The following EXOC4 variants were observed in gnomAD, a reference collection of about 807,000 sequenced individuals.
EXOC4 encodes the protein SEC8-like 1.
EXOC4 carries 71 observed loss-of-function variants against 107.2 expected under a neutral mutation model. The ratio of observed to expected loss-of-function variants is 0.66; its 90% CI spans 0.55 to 0.81. The LOEUF (loss-of-function observed/expected upper bound fraction) is 0.81, where lower values mean the gene tolerates loss of function less well. EXOC4 is among the 30% of genes least tolerant of loss of function. The pLI, the probability that EXOC4 is intolerant of heterozygous loss-of-function variation, is 0.00. For missense variants in EXOC4, 1,108 were observed against 1,189.6 expected (o/e 0.93, Z 1.01); for synonymous variants, 456 against 441.2 (o/e 1.03, Z -0.42).
At chr7:133,258,837 T>C (rs1795076177) in intron 1 of EXOC4, among the ~76,000 whole-genome samples, 2 of 152,202 alleles carry the variant, frequency 1.3e-5, no homozygotes, top group African/African-American at 4.8e-5. Context: ...AGAAGCTAGA[T>C]TTAAATGCAT....
intron 14 of EXOC4, among the ~76,000 whole-genome samples, chr7:133,986,543 G>C: frequency 6.6e-6 from 1 of 152,226 alleles, no homozygotes; most frequent in East Asian, 1.9e-4. Flanking sequence ...CTTAGTTCAA[G>C]AAGAAAGGAC....
At chr7:133,255,368 G>A (rs1038705048) in intron 1 of EXOC4, among the ~76,000 whole-genome samples, 1 of 151,982 alleles carries the variant, frequency 6.6e-6, no homozygotes, top group Non-Finnish European at 1.5e-5. Context: ...GTAGATACAG[G>A]GTTTCACCAT....
At chr7:133,277,886 T>G (rs1425455533) in intron 2 of EXOC4, among the ~76,000 whole-genome samples, 1 of 152,236 alleles carries the variant, frequency 6.6e-6, no homozygotes. Context: ...TTTTGGCTTT[T>G]AATTACACTT....
intron 17 of EXOC4, among the ~76,000 whole-genome samples, chr7:134,026,782 C>T (rs1357958667): frequency 6.6e-6 from 1 of 151,728 alleles, no homozygotes; most frequent in Non-Finnish European, 1.5e-5. Flanking sequence ...TTGAACTGTA[C>T]TTTGAAAAAG....
chr7:133,994,726 A>C (rs1563084432), intron 14 of EXOC4, among the ~76,000 whole-genome samples: 1 of 150,850 alleles, frequency 6.6e-6, no homozygotes, highest in Non-Finnish European at 1.5e-5. Flanking sequence ...AATATACAAC[A>C]ATGTAGCCTT....
intron 9 of EXOC4, among the ~76,000 whole-genome samples, chr7:133,507,669 A>G (rs1799691081): frequency 6.6e-6 from 1 of 152,254 alleles, no homozygotes; most frequent in Non-Finnish European, 1.5e-5. Flanking sequence ...CCATAGCTGA[A>G]CATGACTGGA....
chr7:133,606,843 G>A (rs191811611), intron 9 of EXOC4, among the ~76,000 whole-genome samples: 5 of 151,988 alleles, frequency 3.3e-5, no homozygotes, highest in Non-Finnish European at 5.9e-5. Context: ...ATGGTGGCTC[G>A]TCTCCAGCAC....
chr7:133,794,585 A>G (rs1796774533), intron 10 of EXOC4, among the ~76,000 whole-genome samples: 1 of 152,058 alleles, frequency 6.6e-6, no homozygotes, highest in South Asian at 2.1e-4. Flanking sequence ...AAGAGGCACT[A>G]CCCTCAGTTC....
intron 9 of EXOC4, among the ~76,000 whole-genome samples, chr7:133,577,171 A>T (rs1312314639): frequency 6.6e-6 from 1 of 152,222 alleles, no homozygotes; most frequent in Non-Finnish European, 1.5e-5. Context: ...TGTAGATTAG[A>T]AAAGTAAAAT....
intron 12 of EXOC4, among the ~76,000 whole-genome samples, chr7:133,909,583 C>T (rs1169669634): frequency 2.0e-5 from 3 of 152,084 alleles, no homozygotes; most frequent in African/African-American, 7.2e-5. Flanking sequence ...GTAGAGGGGT[C>T]GGATCATTTG....
At chr7:133,441,128 C>T (rs1039144545) in intron 7 of EXOC4, among the ~76,000 whole-genome samples, 1 of 152,120 alleles carries the variant, frequency 6.6e-6, no homozygotes, top group African/African-American at 2.4e-5. Flanking sequence ...ATGATACAGA[C>T]TGTAAGTACC....
chr7:133,793,855 T>A (rs886128573), intron 10 of EXOC4, among the ~76,000 whole-genome samples: 4 of 4,366 alleles, frequency 9.2e-4, no homozygotes, highest in South Asian at 0.083. Context: ...ACACAAAAAA[T>A]AAATAAAAAT....
At chr7:133,682,346 G>A (rs1167326668) in intron 10 of EXOC4, among the ~76,000 whole-genome samples, 1 of 152,126 alleles carries the variant, frequency 6.6e-6, no homozygotes, top group Non-Finnish European at 1.5e-5. Flanking sequence ...AATTTGAAAA[G>A]TATATGTTAT....
chr7:134,002,329 A>C (rs1050686245), intron 15 of EXOC4, among the ~76,000 whole-genome samples: 2 of 152,188 alleles, frequency 1.3e-5, no homozygotes, highest in African/African-American at 4.8e-5. Context: ...TTAGCTTAAA[A>C]TGGATCATTC....
intron 10 of EXOC4, among the ~76,000 whole-genome samples, chr7:133,650,937 G>GTTTTTTTTTTTTTTTTTTT (rs200499348): frequency 1.1e-5 from 1 of 88,694 alleles, no homozygotes; most frequent in Non-Finnish European, 2.2e-5. Flanking sequence ...AGATTGGTCA[G>GTTTTTTTTTTTTTTTTTTT]TTTTTTTTTT....
intron 7 of EXOC4, among the ~76,000 whole-genome samples, chr7:133,376,265 C>G (rs1224630898): frequency 6.6e-6 from 1 of 151,738 alleles, no homozygotes; most frequent in Non-Finnish European, 1.5e-5. Flanking sequence ...ATTGCCATGC[C>G]TGTAGTACAT....
At chr7:133,968,671 CA>C (rs1283407892) in intron 14 of EXOC4, among the ~76,000 whole-genome samples, 12 of 152,130 alleles carry the variant, frequency 7.9e-5, no homozygotes, top group East Asian at 1.9e-4. Flanking sequence ...TATTGGCCCC[CA>C]CTCTCTTCTG....
chr7:134,056,934 A>T (rs1196036282), intron 17 of EXOC4, among the ~76,000 whole-genome samples: 1 of 152,166 alleles, frequency 6.6e-6, no homozygotes, highest in Non-Finnish European at 1.5e-5. Context: ...TCTGAAGAGA[A>T]ATAAAGCAAG....
At chr7:133,260,537 G>T (rs2150505156) in intron 1 of EXOC4, among the ~76,000 whole-genome samples, 1 of 152,324 alleles carries the variant, frequency 6.6e-6, no homozygotes, top group East Asian at 1.9e-4. Flanking sequence ...GCCTCCCAAA[G>T]TGCAGGGATT....
Sources: gnomAD v4.1 joint callset for allele counts (sites outside exome capture counted in the v4.1 genomes callset) on GRCh38, gnomAD v4.1.1 for gene constraint, MANE v1.5 for transcripts, NCBI Gene and HGNC (gene_info 2026-07-23, HGNC 2026-07-21) for gene names.